Variants in PCDHGB5 observed in about 807,000 individuals in gnomAD.
PCDHGB5 encodes the protein protocadherin gamma-B5.
Under a neutral mutation model 62.9 loss-of-function variants are expected in PCDHGB5, and 48 were observed. The ratio of observed to expected loss-of-function variants is 0.76; its 90% CI spans 0.61 to 0.97. The LOEUF (loss-of-function observed/expected upper bound fraction) is 0.97, where lower values mean the gene tolerates loss of function less well. Ranked by LOEUF, PCDHGB5 falls within the 50% of genes least tolerant of loss-of-function variation. PCDHGB5 has a pLI of 0.00. For missense variants in PCDHGB5, 1,118 were observed against 1,198.6 expected (o/e 0.93, Z 0.99); for synonymous variants, 474 against 511.2 (o/e 0.93, Z 0.98).
Position 141,485,094 on chromosome 5 carries a change from C to A in PCDHGB5, c.2398-9713C>A. ...GGCGCGGGGAAAGGGAGATAGGTGT[C>A]TCCAGCTGCTGTGGCTGTTTGGGGC... On this transcript the variant is annotated intron_variant, in intron 1 of 3. Coordinates refer to ENST00000617380, the MANE Select transcript of PCDHGB5 (RefSeq NM_018925.3). The surrounding 1 kb of genome is among the most constrained non-coding windows in gnomAD (Gnocchi z 5.7). 9.1e-7 allele frequency: 1 copy of A among 1,100,766 alleles called. No individual in the cohort carries two copies. Among genetic ancestry groups the A allele is most frequent in the Non-Finnish European group, 1.4e-6 (1 of 736,922 alleles). The allele number at this position is 1,100,766 out of a possible 1,614,324, so 68.2% of individuals were successfully genotyped here. A position where few individuals can be genotyped will look rare whatever the true frequency, so the allele number is the denominator to read the frequency against.
At chr5:141,483,919 G>T (rs912152955) in intron 1 of PCDHGB5, among the ~76,000 whole-genome samples, 2 of 151,008 alleles carry the variant, frequency 1.3e-5, no homozygotes, top group South Asian at 2.1e-4. Flanking sequence ...CACTCAGATT[G>T]CAGGTCGTAG....
intron 1 of PCDHGB5, chr5:141,414,301 C>A (rs199806270): frequency 1.1e-5 from 18 of 1,613,280 alleles, no homozygotes; most frequent in Non-Finnish European, 1.7e-6. Flanking sequence ...TTTAAATGTG[C>A]ATGATTTAGA....
At chr5:141,454,721 A>G (rs2098797156) in intron 1 of PCDHGB5, among the ~76,000 whole-genome samples, 1 of 146,810 alleles carries the variant, frequency 6.8e-6, no homozygotes, top group South Asian at 2.2e-4. Flanking sequence ...ATTCCATATT[A>G]TATGTTATAG....
Position 141,431,033 on chromosome 5 carries a change from C to G in PCDHGB5, c.2397+30509C>G, listed in dbSNP as rs1006751011. ...CTTGGTCACGGCGGGCAGGATAGAC[C>G]GGGAGGAGCTCTGTATGGGGGCCAT... On this transcript the variant is annotated intron_variant, in intron 1 of 3. Coordinates refer to ENST00000617380, the MANE Select transcript of PCDHGB5 (RefSeq NM_018925.3). This position sits in a 1 kb window ranked among gnomAD's most constrained non-coding sequence, Gnocchi z 4.8. 1.2e-6 allele frequency: 2 copies of G among 1,613,980 alleles called. No individual in the cohort carries two copies. Among genetic ancestry groups the G allele is most frequent in the Admixed American group, 3.3e-5 (2 of 60,024 alleles).
intron 1 of PCDHGB5, among the ~76,000 whole-genome samples, chr5:141,445,489 G>A (rs934531418): frequency 7.2e-5 from 11 of 152,188 alleles, no homozygotes; most frequent in Non-Finnish European, 1.3e-4. Context: ...GAGTTAATGG[G>A]CCCTATTCTA....
At chr5:141,403,614 G>A (rs772617526) in intron 1 of PCDHGB5, 4 of 1,613,750 alleles carry the variant, frequency 2.5e-6, no homozygotes, top group Non-Finnish European at 3.4e-6. Flanking sequence ...GGCGAGCCGC[G>A]TCGCTCCAGC....
In PCDHGB5 at chr5:141,485,146, G is replaced by C; in HGVS notation, c.2398-9661G>C. 6.4e-7 allele frequency: 1 copy of C among 1,569,470 alleles called. No individual in the cohort carries two copies. Among genetic ancestry groups the C allele is most frequent in the Non-Finnish European group, 8.7e-7 (1 of 1,143,568 alleles). On this transcript the variant is annotated intron_variant, in intron 1 of 3. Transcript: ENST00000617380. The surrounding 1 kb of genome is among the most constrained non-coding windows in gnomAD (Gnocchi z 5.7). Reference sequence around the variant, plus strand: ...GGTCGGCTTCATCCGCGTCTCAGGAGCAAGTAGAGAATTAGCGGGCGGCAG... The same window carrying C: ...GGTCGGCTTCATCCGCGTCTCAGGACCAAGTAGAGAATTAGCGGGCGGCAG...
At chr5:141,463,629 GTT>G (rs923584581) in intron 1 of PCDHGB5, among the ~76,000 whole-genome samples, 5 of 151,314 alleles carry the variant, frequency 3.3e-5, no homozygotes, top group Middle Eastern at 3.4e-3. Flanking sequence ...TTTGTATTTT[GTT>G]TAGTAGAGAC....
chr5:141,486,011 T>C lies in PCDHGB5; in HGVS notation c.2398-8796T>C. The C allele has an allele frequency of 6.2e-7, 1 of 1,614,188 alleles. No individual in the cohort carries two copies. Among genetic ancestry groups the C allele is most frequent in the Non-Finnish European group, 8.5e-7 (1 of 1,180,014 alleles). ...GGGTCCCAGTGGTAACGTCACCTTTTATTTCAGTGGTCATACCCCTGATCG... is the reference window on the plus strand; with the variant it reads ...GGGTCCCAGTGGTAACGTCACCTTTCATTTCAGTGGTCATACCCCTGATCG... On this transcript the variant is annotated intron_variant, in intron 1 of 3. Coordinates refer to ENST00000617380, the MANE Select transcript of PCDHGB5 (RefSeq NM_018925.3). This position sits in a 1 kb window ranked among gnomAD's most constrained non-coding sequence, Gnocchi z 5.0.
chr5:141,429,073 C>CTCGATT (rs1202357717), intron 1 of PCDHGB5: 1 of 152,116 alleles, frequency 6.6e-6, no homozygotes, highest in African/African-American at 2.4e-5. Context: ...CCAGGATGGT[C>CTCGATT]TCGATTTCCT....
intron 1 of PCDHGB5, chr5:141,414,258 TG>T: frequency 6.2e-7 from 1 of 1,613,492 alleles, no homozygotes; most frequent in Non-Finnish European, 8.5e-7. Flanking sequence ...GTCCAGTGAC[TG>T]AAGATTCACC....
chr5:141,481,913 CAAAAAAAA>C (rs34114744), intron 1 of PCDHGB5, among the ~76,000 whole-genome samples: 1 of 90,852 alleles, frequency 1.1e-5, no homozygotes, highest in African/African-American at 4.2e-5. Flanking sequence ...AACTCCATCT[CAAAAAAAA>C]AAAAAAAAAA....
At chr5:141,428,290 C>G in intron 1 of PCDHGB5, 2 of 726,802 alleles carry the variant, frequency 2.8e-6, no homozygotes, top group Non-Finnish European at 4.8e-6. Context: ...CCAAGCAAAG[C>G]TGCAGATTTA....
At position 141,490,516 on chromosome 5, in the gene PCDHGB5, G is replaced by T. The variant is rs768123119; in HGVS notation, c.2398-4291G>T. The T allele has an allele frequency of 6.2e-7, 1 of 1,613,828 alleles. No individual in the cohort carries two copies. The highest frequency in any genetic ancestry group is 2.2e-5 in the East Asian group (1 of 44,864). On this transcript the variant is annotated intron_variant, in intron 1 of 3. Transcript: ENST00000617380. This position sits in a 1 kb window ranked among gnomAD's most constrained non-coding sequence, Gnocchi z 5.4. ...ATCCCACTATATCATCGAGCTGCTG[G>T]CCAGCGATGCTGGTTCACCTTCCCT... is the stretch of plus-strand genomic sequence containing the variant.
rs1554116817 is a variant in PCDHGB5 at position 141,423,755 on chromosome 5, G to GGC, written c.2397+23232_2397+23233insCG. 3 of 512,420 alleles carry GGC rather than the reference G, an allele frequency of 5.9e-6. No individual in the cohort carries two copies. The African/African-American group carries it at 8.1e-5, about 14-fold the overall frequency. 31.7% of individuals were successfully genotyped at this position (512,420 alleles called of 1,614,324 possible). A position where few individuals can be genotyped will look rare whatever the true frequency, so the allele number is the denominator to read the frequency against. On this transcript the variant is annotated intron_variant, in intron 1 of 3. Coordinates refer to ENST00000617380, the MANE Select transcript of PCDHGB5 (RefSeq NM_018925.3). ...AGCCTGTTATGAAAACTGTTTGGGGGGGGGGTGGGGCGGCATATATTTAGT... is the reference window on the plus strand; with the variant it reads ...AGCCTGTTATGAAAACTGTTTGGGGGGCGGGGGTGGGGCGGCATATATTTAGT...
At chr5:141,425,391 A>G (rs2096872046) in intron 1 of PCDHGB5, among the ~76,000 whole-genome samples, 1 of 152,238 alleles carries the variant, frequency 6.6e-6, no homozygotes, top group South Asian at 2.1e-4. Flanking sequence ...AGGTAGTGAT[A>G]AAGTTCTGTT....
rs754910149 is a variant in PCDHGB5, at chr5:141,399,504, A to G, written c.1377A>G (p.Glu459=). Residue 459 remains glutamate (E), a synonymous_variant, in exon 1 of 4, where the codon GAA becomes GAG. Coordinates refer to ENST00000617380, the MANE Select transcript of PCDHGB5 (RefSeq NM_018925.3). Reference sequence around the variant, plus strand: ...CGTCCTACTTAGTCAGTGTACCCGAAAACAACCCTCCTGGGGCCTCCATCG... The same window carrying G: ...CGTCCTACTTAGTCAGTGTACCCGAGAACAACCCTCCTGGGGCCTCCATCG... ...HQASYLVSVP[E]NNPPGASIAQ... 1.9e-6 allele frequency: 3 copies of G among 1,614,000 alleles called. No individual in the cohort carries two copies. Among genetic ancestry groups the G allele is most frequent in the Non-Finnish European group, 2.5e-6 (3 of 1,179,892 alleles).
At chr5:141,407,961 A>C in intron 1 of PCDHGB5, 1 of 672,320 alleles carries the variant, frequency 1.5e-6, no homozygotes, top group Non-Finnish European at 2.4e-6. Context: ...AGTGCAGAGC[A>C]AGCGCTGACG....
intron 1 of PCDHGB5, chr5:141,428,160 T>C (rs761366261): frequency 6.4e-7 from 1 of 1,572,286 alleles, no homozygotes; most frequent in Non-Finnish European, 8.7e-7. Context: ...AACCTGCTGG[T>C]TGCTGTGCGT....
Sources: gnomAD v4.1 joint callset for allele counts (sites outside exome capture counted in the v4.1 genomes callset) on GRCh38, gnomAD v4.1.1 for gene constraint, Gnocchi (gnomAD v3.1) non-coding constraint, MANE v1.5 for transcripts, NCBI Gene and HGNC (gene_info 2026-07-23, HGNC 2026-07-21) for gene names.